Variants in TMEM132D observed in about 807,000 individuals in gnomAD.
The protein encoded by TMEM132D is mature OL transmembrane protein.
A neutral mutation model predicts 62.3 loss-of-function variants in TMEM132D; 21 were observed. The observed-to-expected ratio is 0.34, with a 90% CI of 0.24 to 0.49. The LOEUF (loss-of-function observed/expected upper bound fraction) is 0.49. Ranked by LOEUF, TMEM132D falls within the 20% of genes least tolerant of loss-of-function variation. TMEM132D has a pLI of 0.99. For synonymous variants in TMEM132D, 621 were observed against 575.6 expected (o/e 1.08, Z -1.13); for missense variants, 1,346 against 1,402.8 (o/e 0.96, Z 0.65).
intron 5 of TMEM132D, among the ~76,000 whole-genome samples, chr12:129,186,655 T>A (rs1237137203): frequency 6.6e-6 from 1 of 152,180 alleles, no homozygotes; most frequent in Admixed American, 6.5e-5. Context: ...AGTTTCCTCA[T>A]CTGTAACACA....
intron 3 of TMEM132D, among the ~76,000 whole-genome samples, chr12:129,362,395 C>T (rs1014335797): frequency 1.3e-5 from 2 of 151,912 alleles, no homozygotes; most frequent in Admixed American, 1.3e-4. Flanking sequence ...TCCTTGAAGT[C>T]CTCTTGGAGC....
intron 5 of TMEM132D, among the ~76,000 whole-genome samples, chr12:129,201,702 CTG>C (rs1490546642): frequency 1.3e-5 from 2 of 151,868 alleles, no homozygotes; most frequent in African/African-American, 4.8e-5. Context: ...AAGGACAGCT[CTG>C]TGAGAATGAA....
At chr12:129,753,415 C>A (rs1471754995) in intron 1 of TMEM132D, among the ~76,000 whole-genome samples, 1 of 152,196 alleles carries the variant, frequency 6.6e-6, no homozygotes, top group Non-Finnish European at 1.5e-5. Context: ...GAAACTTAAT[C>A]TAATTGATTA....
intron 2 of TMEM132D, among the ~76,000 whole-genome samples, chr12:129,662,091 T>C (rs186479726): frequency 3.0e-4 from 45 of 152,354 alleles, no homozygotes; most frequent in Non-Finnish European, 5.7e-4. Flanking sequence ...GGGCACATAC[T>C]CTGGGTCTTA....
At chr12:129,638,454 T>C (rs567480769) in intron 2 of TMEM132D, among the ~76,000 whole-genome samples, 4 of 150,670 alleles carry the variant, frequency 2.7e-5, no homozygotes, top group Non-Finnish European at 4.4e-5. Context: ...CCTACTTTCA[T>C]TGAAAAAAAA....
intron 1 of TMEM132D, among the ~76,000 whole-genome samples, chr12:129,790,625 G>A (rs530720384): frequency 3.3e-5 from 5 of 152,108 alleles, no homozygotes; most frequent in African/African-American, 9.7e-5. Flanking sequence ...GCACAGGATG[G>A]GGGGGCAGGG....
intron 4 of TMEM132D, among the ~76,000 whole-genome samples, chr12:129,269,368 C>T (rs1172101401): frequency 1.5e-5 from 2 of 135,522 alleles, no homozygotes; most frequent in African/African-American, 2.5e-5. Flanking sequence ...TCCCTCCCTT[C>T]CTCCCTTCCC....
At chr12:129,647,689 T>C (rs1456206836) in intron 2 of TMEM132D, among the ~76,000 whole-genome samples, 5 of 152,234 alleles carry the variant, frequency 3.3e-5, no homozygotes, top group African/African-American at 7.2e-5. Flanking sequence ...CATTGTTTCA[T>C]ATGCTTATTG....
At chr12:129,178,091 G>T (rs1877959151) in intron 5 of TMEM132D, among the ~76,000 whole-genome samples, 3 of 152,292 alleles carry the variant, frequency 2.0e-5, no homozygotes, top group South Asian at 2.1e-4. Context: ...TCCCTGCAAA[G>T]GATATGATCT....
intron 5 of TMEM132D, among the ~76,000 whole-genome samples, chr12:129,114,574 A>C (rs1875833794): frequency 6.6e-6 from 1 of 152,198 alleles, no homozygotes; most frequent in African/African-American, 2.4e-5. Context: ...CGTGCAGCTC[A>C]ATGACATTTC....
intron 2 of TMEM132D, among the ~76,000 whole-genome samples, chr12:129,586,706 T>C (rs933016609): frequency 1.3e-5 from 2 of 152,144 alleles, no homozygotes; most frequent in African/African-American, 4.8e-5. Context: ...AGTTAGAATT[T>C]CAACATATGA....
intron 1 of TMEM132D, chr12:129,840,098 A>G (rs1873140227): frequency 2.6e-5 from 4 of 152,180 alleles, no homozygotes; most frequent in African/African-American, 9.7e-5. Flanking sequence ...TATGACCTCA[A>G]TTTTTTAAGT....
intron 4 of TMEM132D, among the ~76,000 whole-genome samples, chr12:129,224,482 C>T (rs768443533): frequency 2.6e-5 from 4 of 152,312 alleles, no homozygotes; most frequent in South Asian, 2.1e-4. Flanking sequence ...CCAGCAAGTA[C>T]GGACTCCACT....
At chr12:129,362,838 T>G (rs903239269) in intron 3 of TMEM132D, among the ~76,000 whole-genome samples, 3 of 152,208 alleles carry the variant, frequency 2.0e-5, no homozygotes, top group African/African-American at 7.2e-5. Context: ...AATTAGTTTC[T>G]GAATATCTAA....
intron 4 of TMEM132D, among the ~76,000 whole-genome samples, chr12:129,332,542 C>T (rs1869143268): frequency 6.6e-6 from 1 of 152,190 alleles, no homozygotes; most frequent in African/African-American, 2.4e-5. Context: ...CACAACTGTG[C>T]TCCCTTCCAG....
At chr12:129,096,401 C>T (rs776182583) in intron 5 of TMEM132D, among the ~76,000 whole-genome samples, 2 of 152,210 alleles carry the variant, frequency 1.3e-5, no homozygotes, top group African/African-American at 2.4e-5. Flanking sequence ...AGGATGGCAG[C>T]GGGAGCTCTT....
intron 4 of TMEM132D, among the ~76,000 whole-genome samples, chr12:129,235,131 C>T (rs1261875931): frequency 6.6e-6 from 1 of 152,210 alleles, no homozygotes; most frequent in Non-Finnish European, 1.5e-5. Context: ...CCAGCCTCCG[C>T]TATGCTAGGC....
At chr12:129,086,136 A>G (rs1174243235) in intron 5 of TMEM132D, 1 of 152,460 alleles carries the variant, frequency 6.6e-6, no homozygotes, top group South Asian at 2.1e-4. Context: ...TTTGATCTAC[A>G]TGTGTACTGT....
intron 3 of TMEM132D, among the ~76,000 whole-genome samples, chr12:129,415,581 T>C (rs1872093254): frequency 6.6e-6 from 1 of 152,250 alleles, no homozygotes; most frequent in African/African-American, 2.4e-5. Context: ...ACAAGATGCC[T>C]GCTGTGATCA....
Sources: allele counts gnomAD v4.1 joint callset (sites outside exome capture counted in the v4.1 genomes callset), GRCh38; gene constraint gnomAD v4.1.1; transcripts MANE v1.5; gene names NCBI Gene and HGNC (gene_info 2026-07-23, HGNC 2026-07-21).